The following CAT variants were observed in gnomAD, a reference collection of about 807,000 sequenced individuals.
CAT encodes catalase, also known as epididymis secretory sperm binding protein.
In CAT, 43 loss-of-function variants were observed where a neutral mutation model predicts 59.0. That is an observed-to-expected ratio of 0.73 (90% CI 0.57 to 0.94). The LOEUF (loss-of-function observed/expected upper bound fraction) is 0.94. CAT is among the 40% of genes least tolerant of loss of function. CAT has a pLI of 0.00. For missense variants in CAT, 664 were observed against 682.9 expected, an observed-to-expected ratio of 0.97 and a Z score of 0.31; for synonymous variants, 218 against 230.9, an observed-to-expected ratio of 0.94 and a Z score of 0.51.
In CAT at chr11:34,471,517, A is replaced by G. The variant is rs1460635325; in HGVS notation, c.*84A>G. On this transcript the variant is annotated 3_prime_UTR_variant, in exon 13 of 13. Transcript: ENST00000241052. ...CACTGGATGAAGATTCTCCTGTGCTAGATGTGCAAATGCAAGCTAGTGGCT... is the reference window on the plus strand; with the variant it reads ...CACTGGATGAAGATTCTCCTGTGCTGGATGTGCAAATGCAAGCTAGTGGCT... 4 of 1,178,960 alleles carry G rather than the reference A, an allele frequency of 3.4e-6. No individual in the cohort carries two copies. The highest frequency in any genetic ancestry group is 5.1e-6 in the Non-Finnish European group (4 of 783,262). 73.0% of individuals were successfully genotyped at this position (1,178,960 alleles called of 1,614,324 possible).
intron 1 of CAT, among the ~76,000 whole-genome samples, chr11:34,442,824 C>T (rs747929015): frequency 1.3e-4 from 20 of 152,086 alleles, no homozygotes; most frequent in Non-Finnish European, 2.2e-4. Flanking sequence ...GTTTAGGGTC[C>T]AGGGTCACTG....
At chr11:34,449,093 C>T in intron 1 of CAT, 99 bp from the exon 2 acceptor site, 1 of 1,035,116 alleles carries the variant, frequency 9.7e-7, no homozygotes, top group Non-Finnish European at 1.5e-6. Flanking sequence ...AAAAAGAGGG[C>T]AGATGGTATA....
chr11:34,453,421 A>C (rs374192073), intron 5 of CAT, among the ~76,000 whole-genome samples: 1 of 152,198 alleles, frequency 6.6e-6, no homozygotes, highest in Non-Finnish European at 1.5e-5. Context: ...TTGTCAGTTG[A>C]TATTTAGCAG....
At chr11:34,441,631 A>G (rs1332243917) in intron 1 of CAT, among the ~76,000 whole-genome samples, 1 of 152,030 alleles carries the variant, frequency 6.6e-6, no homozygotes, top group African/African-American at 2.4e-5. Context: ...CCATCTCTAC[A>G]ACAAATAAAA....
intron 1 of CAT, among the ~76,000 whole-genome samples, chr11:34,445,513 A>AG (rs1856441292): frequency 6.7e-6 from 1 of 150,362 alleles, no homozygotes; most frequent in Non-Finnish European, 1.5e-5. Flanking sequence ...AAAAAAAAAA[A>AG]AAAAAAAAAG....
intron 9 of CAT, among the ~76,000 whole-genome samples, chr11:34,461,838 G>A (rs1463682299): frequency 6.6e-6 from 1 of 152,174 alleles, no homozygotes; most frequent in Non-Finnish European, 1.5e-5. Flanking sequence ...TTCTGCTGTG[G>A]CCCTGGAGGA....
intron 2 of CAT, among the ~76,000 whole-genome samples, chr11:34,450,728 T>C (rs1856514020): frequency 6.6e-6 from 1 of 152,254 alleles, no homozygotes; most frequent in African/African-American, 2.4e-5. Flanking sequence ...TGGGCCAACC[T>C]TGACGACTTC....
In CAT at chr11:34,438,975, G is replaced by A. The variant is rs1280923613; in HGVS notation, c.-39G>A. ...TGCTGAGGGTGGAGACCCACGAGCC[G>A]AGGCCTCCTGCAGTGTTCTGCACAG... On this transcript the variant is annotated 5_prime_UTR_variant, in exon 1 of 13. Transcript: ENST00000241052. 3 of 1,547,886 alleles carry A rather than the reference G, an allele frequency of 1.9e-6. No individual in the cohort carries two copies. Among genetic ancestry groups the A allele is most frequent in the Non-Finnish European group, 2.6e-6 (3 of 1,140,810 alleles).
chr11:34,444,802 T>A (rs1856429842), intron 1 of CAT, among the ~76,000 whole-genome samples: 1 of 152,210 alleles, frequency 6.6e-6, no homozygotes, highest in Non-Finnish European at 1.5e-5. Flanking sequence ...ACTTCTTCAT[T>A]TATGTATTAG....
chr11:34,453,862 G>T lies in CAT; in HGVS notation c.647G>T (p.Gly216Val), dbSNP rs1395002884. The T allele has an allele frequency of 4.3e-6, 7 of 1,613,148 alleles. No homozygotes were observed. Among genetic ancestry groups the T allele is most frequent in the Middle Eastern group, 3.3e-4 (2 of 6,082 alleles). ...PDGHRHMNGY[G>V]SHTFKLVNAN... ...GGACATCGCCACATGAATGGATATGGATCACATACTTTCAAGCTGGTTAAT... is the reference window on the plus strand; with the variant it reads ...GGACATCGCCACATGAATGGATATGTATCACATACTTTCAAGCTGGTTAAT... Residue 216 changes from glycine (G) to valine (V), a missense_variant, in exon 6 of 13, where the codon GGA becomes GTA. Physicochemically the swap from Gly to Val is moderately radical, Grantham distance 109. Transcript: ENST00000241052.
intron 6 of CAT, among the ~76,000 whole-genome samples, chr11:34,455,263 G>A (rs1434350529): frequency 6.6e-6 from 1 of 152,134 alleles, no homozygotes; most frequent in Non-Finnish European, 1.5e-5. Context: ...ATAGACCAGC[G>A]TTCAGAGTTG....
intron 1 of CAT, among the ~76,000 whole-genome samples, chr11:34,448,052 C>T (rs1158963398): frequency 1.3e-5 from 2 of 152,146 alleles, no homozygotes; most frequent in East Asian, 3.8e-4. Context: ...TGCACGGTCT[C>T]CTTTATTCAA....
chr11:34,470,772 A>G (rs1856764122), intron 11 of CAT, 186 bp from the exon 12 acceptor site: 1 of 686,758 alleles, frequency 1.5e-6, no homozygotes, highest in Non-Finnish European at 2.7e-6. Context: ...CAGCCAGTAT[A>G]TGTCAGAGTG....
At chr11:34,450,313 A>T (rs772119846) in intron 2 of CAT, among the ~76,000 whole-genome samples, 5 of 152,106 alleles carry the variant, frequency 3.3e-5, no homozygotes, top group Non-Finnish European at 5.9e-5. Flanking sequence ...GTTTGTGATG[A>T]TTTTTCCTTT....
At chr11:34,463,505 T>C (rs1307156081) in intron 9 of CAT, among the ~76,000 whole-genome samples, 1 of 152,200 alleles carries the variant, frequency 6.6e-6, no homozygotes, top group Non-Finnish European at 1.5e-5. Flanking sequence ...ATGGAAATAC[T>C]GTATATGCTG....
chr11:34,455,950 A>G, intron 6 of CAT, 61 bp from the exon 7 acceptor site: 1 of 1,426,396 alleles, frequency 7.0e-7, no homozygotes, highest in Non-Finnish European at 9.9e-7. Flanking sequence ...TGAATTACTG[A>G]TGAAATTTTG....
intron 11 of CAT, chr11:34,470,652 ACAAAGAC>A: frequency 2.6e-6 from 1 of 389,574 alleles, no homozygotes; most frequent in South Asian, 2.1e-5. Flanking sequence ...GGAATGGGGG[ACAAAGAC>A]CAAATAGTAT....
At chr11:34,449,164 C>G (rs1445676949) in intron 1 of CAT, 28 bp from the exon 2 acceptor site, 1 of 1,607,262 alleles carries the variant, frequency 6.2e-7, no homozygotes. Context: ...TGCTAACTCT[C>G]CTGCACTTTC....
intron 1 of CAT, among the ~76,000 whole-genome samples, chr11:34,445,494 T>C (rs1231941361): frequency 2.0e-4 from 1 of 5,034 alleles, no homozygotes; most frequent in Non-Finnish European, 3.7e-4. Context: ...AGACTCCATC[T>C]CAAAAAAAAA....
Sources: allele counts gnomAD v4.1 joint callset (sites outside exome capture counted in the v4.1 genomes callset), GRCh38; gene constraint gnomAD v4.1.1; transcripts MANE v1.5; gene names NCBI Gene and HGNC (gene_info 2026-07-23, HGNC 2026-07-21).